Variants in IL1RAPL1 observed in about 807,000 individuals in gnomAD.
The protein encoded by IL1RAPL1 is interleukin 1 receptor accessory protein like 1.
IL1RAPL1 carries 3 observed loss-of-function variants against 48.4 expected under a neutral mutation model. The ratio of observed to expected loss-of-function variants is 0.06; its 90% confidence interval spans 0.03 to 0.16. The LOEUF (loss-of-function observed/expected upper bound fraction) is 0.16, where lower values mean the gene tolerates loss of function less well. Ranked by LOEUF, IL1RAPL1 falls within the 10% of genes least tolerant of loss-of-function variation. The pLI, the probability that IL1RAPL1 is intolerant of heterozygous loss-of-function variation, is 1.00. For missense variants in IL1RAPL1, 349 were observed against 530.6 expected, an observed-to-expected ratio of 0.66 and a Z score of 3.36; for synonymous variants, 185 against 187.7, an observed-to-expected ratio of 0.99 and a Z score of 0.12.
At chrX:29,527,477 A>G (rs1935566411) in intron 5 of IL1RAPL1, among the ~76,000 whole-genome samples, 2 of 107,129 alleles carry the variant, frequency 1.9e-5, no homozygotes, top group Admixed American at 1.0e-4. Flanking sequence ...AGCTGGGATT[A>G]CAGGCACGTG....
intron 1 of IL1RAPL1, among the ~76,000 whole-genome samples, chrX:28,668,369 C>T (rs1934905650): frequency 8.9e-6 from 1 of 111,898 alleles, no homozygotes; most frequent in African/African-American, 3.2e-5. Context: ...AGTGATTCTC[C>T]TGCCTCAGCC....
chrX:28,659,335 A>G (rs1406391499), intron 1 of IL1RAPL1: 2 of 552,127 alleles, frequency 3.6e-6, no homozygotes, highest in Non-Finnish European at 6.6e-6. Context: ...GTGCCACAGT[A>G]CCAGGCCTGT....
chrX:29,799,679 C>T (rs947948088), intron 6 of IL1RAPL1, among the ~76,000 whole-genome samples: 1 of 112,164 alleles, frequency 8.9e-6, no homozygotes, highest in Admixed American at 9.5e-5. Context: ...AATAGGTGCA[C>T]GTGGCTAGTG....
At chrX:29,043,681 T>C (rs2147418513) in intron 2 of IL1RAPL1, among the ~76,000 whole-genome samples, 1 of 111,882 alleles carries the variant, frequency 8.9e-6, no homozygotes, top group African/African-American at 3.2e-5. Flanking sequence ...ATGACCTTCA[T>C]TGGCTTGGCT....
At chrX:28,844,915 G>C (rs17333769) in intron 2 of IL1RAPL1, among the ~76,000 whole-genome samples, 24,314 of 110,919 alleles carry the variant, frequency 0.22, 5,311 homozygotes, top group African/African-American at 0.67. Flanking sequence ...TCAGTATTGA[G>C]TCTTTTGTGT....
chrX:29,048,347 C>T (rs554808129), intron 2 of IL1RAPL1, among the ~76,000 whole-genome samples: 2 of 111,684 alleles, frequency 1.8e-5, no homozygotes, highest in South Asian at 7.4e-4. Context: ...GTGTTCTATG[C>T]CAAAACTTCC....
chrX:29,586,690 T>C (rs1378054601), intron 5 of IL1RAPL1, among the ~76,000 whole-genome samples: 1 of 111,544 alleles, frequency 9.0e-6, no homozygotes, highest in East Asian at 2.8e-4. Flanking sequence ...TCTATTTGTT[T>C]GTGCCTTGCT....
intron 5 of IL1RAPL1, among the ~76,000 whole-genome samples, chrX:29,472,255 C>T (rs916136781): frequency 1.8e-5 from 2 of 111,626 alleles, no homozygotes; most frequent in Non-Finnish European, 3.8e-5. Context: ...TGAAAGTACA[C>T]TCTTCTGGTT....
chrX:29,102,952 A>G (rs887815908), intron 2 of IL1RAPL1, among the ~76,000 whole-genome samples: 17 of 111,944 alleles, frequency 1.5e-4, no homozygotes, highest in Non-Finnish European at 1.7e-4. Flanking sequence ...AAACTATAAA[A>G]CGTTGAATAA....
intron 2 of IL1RAPL1, among the ~76,000 whole-genome samples, chrX:29,258,595 T>G (rs1931796315): frequency 9.0e-6 from 1 of 110,989 alleles, no homozygotes; most frequent in African/African-American, 3.3e-5. Flanking sequence ...AAGTTATTAT[T>G]TAGTTTTTTT....
rs956215620 is a variant in IL1RAPL1 at position 28,619,433 on chromosome X, A to AAAAC, written c.-25+31406_-25+31409dup. Among the ~76,000 whole-genome samples, 31 of 108,624 alleles carry AAAAC rather than the reference A, an allele frequency of 2.9e-4. 1 individual carries two copies. Among genetic ancestry groups the AAAAC allele is most frequent in the African/African-American group, 1.0e-4 (3 of 29,688 alleles). The allele number at this position is 108,624 out of a possible 115,157, so 94.3% of individuals were successfully genotyped here. ...AACATGGTGAAACCCCATCTCTACA[A>AAAAC]AAACAAACAAACAAACAAACAAAAA... On this transcript the variant is annotated intron_variant, in intron 1 of 10. Coordinates refer to ENST00000378993, the MANE Select transcript of IL1RAPL1 (RefSeq NM_014271.4).
At chrX:29,055,240 A>AT (rs1272173489) in intron 2 of IL1RAPL1, among the ~76,000 whole-genome samples, 3 of 110,503 alleles carry the variant, frequency 2.7e-5, no homozygotes, top group East Asian at 2.8e-4. Context: ...CCTCAGTGCA[A>AT]TTTTTTTCCA....
chrX:28,919,653 G>T (rs1348722806), intron 2 of IL1RAPL1, among the ~76,000 whole-genome samples: 1 of 111,815 alleles, frequency 8.9e-6, no homozygotes. Flanking sequence ...TTATGAAGTT[G>T]TTGGTTATGT....
At chrX:29,225,608 T>G (rs1931062231) in intron 2 of IL1RAPL1, among the ~76,000 whole-genome samples, 1 of 111,775 alleles carries the variant, frequency 8.9e-6, no homozygotes, top group Non-Finnish European at 1.9e-5. Context: ...GGTGAAAGGA[T>G]TTTTAAATGC....
At position 29,179,665 on chromosome X, in the gene IL1RAPL1, A is replaced by G. The variant is rs141432746; in HGVS notation, c.83-103273A>G. Reference sequence around the variant, plus strand: ...AGGAACTCTAAGTAAAGCTTTGGTAATCAACATTATTACTGAACGCATGCT... The same window carrying G: ...AGGAACTCTAAGTAAAGCTTTGGTAGTCAACATTATTACTGAACGCATGCT... On this transcript the variant is annotated intron_variant, in intron 2 of 10. Transcript: ENST00000378993. Among the ~76,000 whole-genome samples the G allele has an allele frequency of 5.4e-5, 6 of 112,050 alleles. No homozygotes were observed. The East Asian group carries it at 1.7e-3, about 32-fold the overall frequency.
chrX:28,725,209 C>T (rs1291746008), intron 1 of IL1RAPL1, among the ~76,000 whole-genome samples: 1 of 110,666 alleles, frequency 9.0e-6, no homozygotes. Context: ...CTCGGCCTCC[C>T]AAAGTGCTGG....
At chrX:29,050,164 A>C (rs996787916) in intron 2 of IL1RAPL1, among the ~76,000 whole-genome samples, 2 of 111,743 alleles carry the variant, frequency 1.8e-5, no homozygotes, top group African/African-American at 6.5e-5. Context: ...TTCCTGCCAC[A>C]GTGTCCCTAG....
At chrX:28,840,396 A>G (rs1189646769) in intron 2 of IL1RAPL1, among the ~76,000 whole-genome samples, 1 of 110,338 alleles carries the variant, frequency 9.1e-6, no homozygotes, top group African/African-American at 3.3e-5. Context: ...CTGTTTTTAA[A>G]TCTTATTTTT....
intron 6 of IL1RAPL1, among the ~76,000 whole-genome samples, chrX:29,870,244 A>ATCTT (rs199656811): frequency 0.011 from 1,258 of 112,300 alleles, 12 homozygotes; most frequent in African/African-American, 0.037. Context: ...TTAAATGATT[A>ATCTT]TCTTTAGTTT....
Sources: gnomAD v4.1 joint callset for allele counts (sites outside exome capture counted in the v4.1 genomes callset) on GRCh38, gnomAD v4.1.1 for gene constraint, MANE v1.5 for transcripts, NCBI Gene and HGNC (gene_info 2026-07-23, HGNC 2026-07-21) for gene names.